The following PTPRB variants were observed in gnomAD, a reference collection of about 807,000 sequenced individuals.
The protein encoded by PTPRB is protein tyrosine phosphatase receptor type B.
In PTPRB, 97 loss-of-function variants were observed where a neutral mutation model predicts 238.1. The observed-to-expected ratio is 0.41, with a 90% CI of 0.35 to 0.48. PTPRB has a LOEUF of 0.48. PTPRB is among the 20% of genes least tolerant of loss of function. The pLI, the probability that PTPRB is intolerant of heterozygous loss-of-function variation, is 0.30. For missense variants in PTPRB, 2,292 were observed against 2,681.9 expected (o/e 0.85, Z 3.21); for synonymous variants, 970 against 995.4 (o/e 0.97, Z 0.48).
intron 32 of PTPRB, among the ~76,000 whole-genome samples, chr12:70,529,090 G>A (rs888436701): frequency 7.2e-5 from 11 of 152,078 alleles, no homozygotes; most frequent in African/African-American, 2.4e-5. Flanking sequence ...AGAAAGGGTG[G>A]TGCCTTGAGG....
chr12:70,552,735 G>GT, intron 21 of PTPRB, 42 bp downstream of exon 21: 1 of 1,607,194 alleles, frequency 6.2e-7, no homozygotes, highest in South Asian at 1.1e-5. Context: ...GCTTAGTAAT[G>GT]TAGCATGTCC....
chr12:70,553,396 A>G (rs539802638), intron 20 of PTPRB, among the ~76,000 whole-genome samples: 1 of 152,332 alleles, frequency 6.6e-6, no homozygotes, highest in South Asian at 2.1e-4. Flanking sequence ...AGTTGAGCTA[A>G]TAAGGAAACC....
intron 11 of PTPRB, among the ~76,000 whole-genome samples, chr12:70,575,757 G>A (rs1365275893): frequency 6.6e-6 from 1 of 152,214 alleles, no homozygotes; most frequent in Non-Finnish European, 1.5e-5. Flanking sequence ...GAAAATGGTA[G>A]CTATTTAAAT....
At chr12:70,564,387 C>G (rs2584024) in intron 15 of PTPRB, among the ~76,000 whole-genome samples, 31,924 of 151,698 alleles carry the variant, frequency 0.21, 3,972 homozygotes, top group African/African-American at 0.35. Context: ...TGGTGCATAC[C>G]TGTAGTCCCA....
chr12:70,529,852 C>G (rs1366281953), intron 32 of PTPRB, among the ~76,000 whole-genome samples: 1 of 152,128 alleles, frequency 6.6e-6, no homozygotes, highest in African/African-American at 2.4e-5. Flanking sequence ...GATCTGCCTT[C>G]TGATGTCATG....
chr12:70,521,560 A>ATTGT (rs770880696), intron 33 of PTPRB, 49 bp from the exon 34 acceptor site: 2 of 1,470,200 alleles, frequency 1.4e-6, no homozygotes, highest in Non-Finnish European at 1.8e-6. Context: ...GTGTGTCATA[A>ATTGT]TTGTTTACGC....
chr12:70,615,983 C>T (rs1056902475), intron 3 of PTPRB, among the ~76,000 whole-genome samples: 1 of 152,112 alleles, frequency 6.6e-6, no homozygotes, highest in Non-Finnish European at 1.5e-5. Context: ...AATCCACAGT[C>T]TATATTTCAA....
At chr12:70,545,525 T>G (rs1298961384) in intron 21 of PTPRB, among the ~76,000 whole-genome samples, 5 of 152,104 alleles carry the variant, frequency 3.3e-5, no homozygotes, top group African/African-American at 1.2e-4. Context: ...TACAAAGGAA[T>G]CAGGCAAATA....
In PTPRB at chr12:70,520,112, T is replaced by C. The variant is rs574950426; in HGVS notation, c.*1377A>G. 2.5e-6 allele frequency: 1 copy of C among 405,174 alleles called. No homozygotes were observed. Among genetic ancestry groups the C allele is most frequent in the African/African-American group, 2.1e-5 (1 of 47,744 alleles). 25.1% of individuals were successfully genotyped at this position (405,174 alleles called of 1,614,324 possible). A position where few individuals can be genotyped will look rare whatever the true frequency, so the allele number is the denominator to read the frequency against. ...TTCCCAAGTTTATTACAGAAAAATT[T>C]GTAGTGTGAAAAAGGCAAACATCTC... On this transcript the variant is annotated 3_prime_UTR_variant, in exon 34 of 34. Transcript: ENST00000334414.
Position 70,571,954 on chromosome 12 carries a change from T to C in PTPRB, c.2976A>G (p.Gln992=). Residue 992 remains glutamine, a synonymous_variant, in exon 12 of 34, where the codon CAA becomes CAG. Transcript: ENST00000334414. ...TTTCTGACTTGGGAATGCTTTTAGT[T>C]TGAATGAAGTTGTTTTTGTTTTTAA... ...VTIKNKNNFI[Q]TKSIPKSENE... 2 of 1,613,976 alleles carry C rather than the reference T, an allele frequency of 1.2e-6. No homozygotes were observed. The highest frequency in any genetic ancestry group is 2.2e-5 in the East Asian group (1 of 44,866).
chr12:70,548,225 G>A (rs1476133474), intron 21 of PTPRB, among the ~76,000 whole-genome samples: 1 of 152,124 alleles, frequency 6.6e-6, no homozygotes, highest in Non-Finnish European at 1.5e-5. Flanking sequence ...CTACTTGGGA[G>A]GCTGAGGCAT....
At chr12:70,611,155 G>A (rs1371338454) in intron 3 of PTPRB, among the ~76,000 whole-genome samples, 1 of 152,106 alleles carries the variant, frequency 6.6e-6, no homozygotes, top group Admixed American at 6.5e-5. Context: ...CAGCGGGAAG[G>A]ATGGCATATT....
chr12:70,637,015 C>T lies in PTPRB; in HGVS notation c.55+326G>A, dbSNP rs547455395. Among the ~76,000 whole-genome samples, 28 of 152,146 alleles carry T rather than the reference C, an allele frequency of 1.8e-4. No homozygotes were observed. In the South Asian group the frequency reaches 5.4e-3, roughly 29 times the overall value. On this transcript the variant is annotated intron_variant, in intron 1 of 33. Coordinates refer to ENST00000334414, the MANE Select transcript of PTPRB (RefSeq NM_001109754.4). Reference sequence around the variant, plus strand: ...AAAGAAAATAAAACTATAACCGGGTCGGAAAAAGGCTTGGGGAAAGCCACA... The same window carrying T: ...AAAGAAAATAAAACTATAACCGGGTTGGAAAAAGGCTTGGGGAAAGCCACA...
intron 31 of PTPRB, among the ~76,000 whole-genome samples, chr12:70,533,560 G>GA (rs1410060926): frequency 4.6e-5 from 7 of 152,164 alleles, no homozygotes; most frequent in African/African-American, 1.4e-4. Flanking sequence ...AAATTTAAGA[G>GA]AAAAAATTAG....
rs1304999712 is a variant in PTPRB, at chr12:70,517,516, T to G, written c.*3973A>C. The G allele has an allele frequency of 6.6e-6, 1 of 152,236 alleles. No individual in the cohort carries two copies. The highest frequency in any genetic ancestry group is 2.4e-5 in the African/African-American group (1 of 41,456). 9.4% of individuals were successfully genotyped at this position (152,236 alleles called of 1,614,324 possible). A position where few individuals can be genotyped will look rare whatever the true frequency, so the allele number is the denominator to read the frequency against. ...CAGGGCAGAAAATTAGCACGGCATT[T>G]TCTCCTTCAACTCTTCAGGAATGAG... is the stretch of plus-strand genomic sequence containing the variant. On this transcript the variant is annotated 3_prime_UTR_variant, in exon 34 of 34. Coordinates refer to ENST00000334414, the MANE Select transcript of PTPRB (RefSeq NM_001109754.4).
intron 32 of PTPRB, chr12:70,525,346 T>C (rs548015120): frequency 6.6e-6 from 1 of 152,292 alleles, no homozygotes; most frequent in African/African-American, 2.4e-5. Context: ...GCTGGTTTGT[T>C]CCCTTTATTC....
intron 32 of PTPRB, among the ~76,000 whole-genome samples, chr12:70,529,169 G>A (rs1262960126): frequency 3.3e-5 from 5 of 152,128 alleles, no homozygotes; most frequent in South Asian, 2.1e-4. Flanking sequence ...TCCTCAGTGA[G>A]GCAGGAGGAA....
intron 6 of PTPRB, among the ~76,000 whole-genome samples, chr12:70,593,024 A>C (rs1333650452): frequency 6.6e-6 from 1 of 152,226 alleles, no homozygotes; most frequent in African/African-American, 2.4e-5. Context: ...ATATTCAATA[A>C]TATTGAGTAC....
chr12:70,592,257 G>C, intron 7 of PTPRB, 25 bp downstream of exon 7: 2 of 1,613,802 alleles, frequency 1.2e-6, no homozygotes, highest in South Asian at 1.1e-5. Flanking sequence ...AGCAACCAAG[G>C]AACATTCTGG....
Sources: gnomAD v4.1 joint callset for allele counts (sites outside exome capture counted in the v4.1 genomes callset) on GRCh38, gnomAD v4.1.1 for gene constraint, MANE v1.5 for transcripts, NCBI Gene and HGNC (gene_info 2026-07-23, HGNC 2026-07-21) for gene names.